The following CATSPERT variants were observed in gnomAD, a reference collection of about 807,000 sequenced individuals.
CATSPERT encodes the protein cation channel sperm-associated targeting subunit tau.
chr2:201,556,173 TA>T, the CATSPERT span: 21 of 152,334 alleles, frequency 1.4e-4, no homozygotes, highest in East Asian at 4.0e-3. Context: ...TATCAACTTT[TA>T]AAGGATACAA....
the CATSPERT span, chr2:201,494,198 C>T: frequency 6.5e-7 from 1 of 1,534,616 alleles, no homozygotes; most frequent in African/African-American, 1.4e-5. Context: ...GATGATTTAT[C>T]ATGAATGCTT....
chr2:201,591,486 A>AG, the CATSPERT span, among the ~76,000 whole-genome samples: 1 of 152,090 alleles, frequency 6.6e-6, no homozygotes, highest in Non-Finnish European at 1.5e-5. Context: ...TTGGTTCCAT[A>AG]TGAACTTTAA....
chr2:201,515,303 C>A, the CATSPERT span, among the ~76,000 whole-genome samples: 1 of 134,716 alleles, frequency 7.4e-6, no homozygotes, highest in African/African-American at 2.7e-5. Context: ...GGTGGAATCT[C>A]GGCTCACTGC....
chr2:201,536,029 G>C, the CATSPERT span: 3 of 1,612,870 alleles, frequency 1.9e-6, no homozygotes, highest in Non-Finnish European at 2.5e-6. Context: ...ACCTCTGATA[G>C]AGATGAGTCT....
the CATSPERT span, among the ~76,000 whole-genome samples, chr2:201,594,268 G>T: frequency 6.6e-6 from 1 of 152,120 alleles, no homozygotes; most frequent in Non-Finnish European, 1.5e-5. Context: ...GAAATTCTGG[G>T]TTGAAAATTC....
chr2:201,529,502 G>A, the CATSPERT span, among the ~76,000 whole-genome samples: 1 of 152,066 alleles, frequency 6.6e-6, no homozygotes, highest in Non-Finnish European at 1.5e-5. Flanking sequence ...AAAAGGGAAA[G>A]AACAGACTCT....
the CATSPERT span, among the ~76,000 whole-genome samples, chr2:201,569,118 T>A: frequency 6.6e-6 from 1 of 152,152 alleles, no homozygotes; most frequent in Non-Finnish European, 1.5e-5. Context: ...TAAAAGGCCA[T>A]AGGTCCCTTT....
the CATSPERT span, chr2:201,491,200 A>C: frequency 3.5e-5 from 54 of 1,535,472 alleles, no homozygotes; most frequent in Non-Finnish European, 4.4e-5. Context: ...CCAGTGAAGC[A>C]GTGTCCTTGG....
chr2:201,542,833 T>C, the CATSPERT span, among the ~76,000 whole-genome samples: 1 of 152,186 alleles, frequency 6.6e-6, no homozygotes, highest in Admixed American at 6.5e-5. Flanking sequence ...TTTCCTTTAC[T>C]GTGTAGAAGC....
the CATSPERT span, among the ~76,000 whole-genome samples, chr2:201,592,623 G>C: frequency 6.6e-6 from 1 of 151,172 alleles, no homozygotes; most frequent in Admixed American, 6.6e-5. Flanking sequence ...GACTCTTTTT[G>C]GTTGGTAAGC....
chr2:201,574,271 A>C, the CATSPERT span: 1 of 1,602,678 alleles, frequency 6.2e-7, no homozygotes, highest in Non-Finnish European at 8.5e-7. Context: ...TCCAGCCTGC[A>C]GACAAACTAA....
At chr2:201,568,492 G>A in the CATSPERT span, among the ~76,000 whole-genome samples, 2 of 152,236 alleles carry the variant, frequency 1.3e-5, no homozygotes, top group Middle Eastern at 3.4e-3. Context: ...ATCTGTAGCT[G>A]CACATCAGAT....
the CATSPERT span, chr2:201,492,096 C>A: frequency 3.3e-6 from 5 of 1,526,512 alleles, no homozygotes; most frequent in Non-Finnish European, 4.4e-6. Context: ...GAAAATATTT[C>A]TTTTCTTTCT....
chr2:201,491,366 G>A, the CATSPERT span: 2 of 1,537,138 alleles, frequency 1.3e-6, no homozygotes, highest in African/African-American at 1.4e-5. Flanking sequence ...GGGAAGAGGT[G>A]TGGTTTCAAG....
the CATSPERT span, chr2:201,535,927 C>A: frequency 1.9e-6 from 3 of 1,562,360 alleles, no homozygotes; most frequent in Admixed American, 1.9e-5. Flanking sequence ...TCCCTTTCAG[C>A]TAAGTTTAGA....
chr2:201,533,762 T>C, the CATSPERT span, among the ~76,000 whole-genome samples: 1 of 152,116 alleles, frequency 6.6e-6, no homozygotes, highest in Non-Finnish European at 1.5e-5. Context: ...CCTCCCAAGA[T>C]TTATGCCCTT....
chr2:201,536,550 T>C, the CATSPERT span, among the ~76,000 whole-genome samples: 1 of 151,926 alleles, frequency 6.6e-6, no homozygotes, highest in Non-Finnish European at 1.5e-5. Context: ...GTGGTTCTCA[T>C]ATATCCAAAT....
the CATSPERT span, among the ~76,000 whole-genome samples, chr2:201,604,146 T>G: frequency 2.4e-5 from 1 of 41,468 alleles, no homozygotes; most frequent in South Asian, 1.2e-3. Flanking sequence ...TGTGTGTGTA[T>G]GTGTGTGTGT....
At chr2:201,582,299 C>T in the CATSPERT span, 1 of 1,245,504 alleles carries the variant, frequency 8.0e-7, no homozygotes. Flanking sequence ...TATACTATTA[C>T]TATATTATGC....
Sources: gnomAD v4.1 joint callset for allele counts (sites outside exome capture counted in the v4.1 genomes callset) on GRCh38, gnomAD v4.1.1 for gene constraint, MANE v1.5 for transcripts, NCBI Gene and HGNC (gene_info 2026-07-23, HGNC 2026-07-21) for gene names.